The following PRKN variants were observed in gnomAD, a reference collection of about 807,000 sequenced individuals.
PRKN encodes parkin RBR E3 ubiquitin protein ligase.
Under a neutral mutation model 59.5 loss-of-function variants are expected in PRKN, and 56 were observed. The ratio of observed to expected loss-of-function variants is 0.94; its 90% CI spans 0.76 to 1.18. The LOEUF is 1.18. Ranked by LOEUF, PRKN falls within the 50% of genes most tolerant of loss-of-function variation. PRKN has a pLI of 0.00. For missense variants in PRKN, 657 were observed against 596.4 expected, an observed-to-expected ratio of 1.10 and a Z score of -1.06; for synonymous variants, 250 against 222.1, an observed-to-expected ratio of 1.13 and a Z score of -1.12.
chr6:161,761,053 A>G (rs1462513285), intron 7 of PRKN, among the ~76,000 whole-genome samples: 1 of 152,174 alleles, frequency 6.6e-6, no homozygotes, highest in African/African-American at 2.4e-5. Context: ...CTACCCAGAG[A>G]AATTTTATGG....
intron 5 of PRKN, among the ~76,000 whole-genome samples, chr6:162,041,502 CCTCT>C (rs1241312127): frequency 1.3e-5 from 2 of 152,162 alleles, no homozygotes; most frequent in African/African-American, 4.8e-5. Flanking sequence ...CATTCCCCCA[CCTCT>C]CTCTCTTTCT....
rs936741530 is a variant in PRKN at position 161,413,224 on chromosome 6, C to T, written c.1084-26347G>A. ...TTTATTTGTGGAAACCCACTGTCTCCCGGACACTGGCCTCCAGGGCACGGT... is the reference window on the plus strand; with the variant it reads ...TTTATTTGTGGAAACCCACTGTCTCTCGGACACTGGCCTCCAGGGCACGGT... On this transcript the variant is annotated intron_variant, in intron 9 of 11. Coordinates refer to ENST00000366898, the MANE Select transcript of PRKN (RefSeq NM_004562.3). The surrounding 1 kb of genome is among the most constrained non-coding windows in gnomAD (Gnocchi z 4.4). Among the ~76,000 whole-genome samples the T allele has an allele frequency of 1.3e-5, 2 of 152,160 alleles. No homozygotes were observed. The highest frequency in any genetic ancestry group is 1.3e-4 in the Admixed American group (2 of 15,274).
At chr6:162,452,356 A>AT (rs1408576497) in intron 1 of PRKN, among the ~76,000 whole-genome samples, 3 of 152,050 alleles carry the variant, frequency 2.0e-5, no homozygotes, top group East Asian at 3.9e-4. Flanking sequence ...TTAGGTAGGA[A>AT]TTTTTTTGCT....
intron 5 of PRKN, among the ~76,000 whole-genome samples, chr6:161,988,020 C>A (rs913640885): frequency 6.6e-6 from 1 of 152,042 alleles, no homozygotes; most frequent in African/African-American, 2.4e-5. Flanking sequence ...CATTATAGAA[C>A]AATTCTCAGG....
intron 7 of PRKN, among the ~76,000 whole-genome samples, chr6:161,726,703 A>C (rs539130204): frequency 2.0e-5 from 3 of 152,358 alleles, no homozygotes; most frequent in African/African-American, 7.2e-5. Flanking sequence ...TGAGAGAGGC[A>C]AAAACAAAGA....
At chr6:162,119,869 G>C (rs990443005) in intron 4 of PRKN, among the ~76,000 whole-genome samples, 2 of 152,100 alleles carry the variant, frequency 1.3e-5, no homozygotes, top group African/African-American at 2.4e-5. Context: ...CACACACAAG[G>C]CTGTTTGAAG....
chr6:162,421,233 C>T (rs1459596101), intron 2 of PRKN, among the ~76,000 whole-genome samples: 1 of 152,130 alleles, frequency 6.6e-6, no homozygotes. Context: ...GCAGCACCTG[C>T]GTGGCTGTTT....
chr6:161,864,914 A>C (rs1027266784), intron 6 of PRKN, among the ~76,000 whole-genome samples: 1 of 152,164 alleles, frequency 6.6e-6, no homozygotes, highest in Admixed American at 6.5e-5. Flanking sequence ...CTGGCCTCAC[A>C]AAGTGCTGGG....
chr6:161,463,610 C>T lies in PRKN; in HGVS notation c.1084-76733G>A, dbSNP rs1279052786. On this transcript the variant is annotated intron_variant, in intron 9 of 11. Coordinates refer to ENST00000366898, the MANE Select transcript of PRKN (RefSeq NM_004562.3). The surrounding 1 kb of genome is among the most constrained non-coding windows in gnomAD (Gnocchi z 4.8). ...TATGGAGTATTCCCATTTCTTGGTT[C>T]CCATGGACTGAAACTTTACAGGTAA... is the stretch of plus-strand genomic sequence containing the variant. 6.6e-6 allele frequency among the ~76,000 whole-genome samples: 1 copy of T among 152,130 alleles called. No homozygotes were observed. Among genetic ancestry groups the T allele is most frequent in the Non-Finnish European group, 1.5e-5 (1 of 68,034 alleles).
chr6:162,311,535 T>C (rs1001227795), intron 2 of PRKN, among the ~76,000 whole-genome samples: 3 of 143,256 alleles, frequency 2.1e-5, no homozygotes, highest in Non-Finnish European at 4.5e-5. Flanking sequence ...CAGGCAGGAG[T>C]GCAGTGGCAC....
intron 7 of PRKN, among the ~76,000 whole-genome samples, chr6:161,573,654 A>G (rs1455327521): frequency 7.2e-6 from 1 of 139,258 alleles, no homozygotes; most frequent in Non-Finnish European, 1.5e-5. Flanking sequence ...CGGCAGGCGG[A>G]GCTTGCAGTG....
chr6:161,696,233 C>A (rs1047073671), intron 7 of PRKN, among the ~76,000 whole-genome samples: 2 of 152,136 alleles, frequency 1.3e-5, no homozygotes, highest in African/African-American at 2.4e-5. Flanking sequence ...TTAAGAGACC[C>A]CATTCTTCAA....
intron 2 of PRKN, among the ~76,000 whole-genome samples, chr6:162,411,793 G>T (rs904258915): frequency 5.3e-5 from 8 of 151,950 alleles, no homozygotes; most frequent in Non-Finnish European, 1.5e-5. Flanking sequence ...AAGGGCCACC[G>T]TCTTTTTCCT....
intron 2 of PRKN, among the ~76,000 whole-genome samples, chr6:162,321,021 C>T (rs762712518): frequency 3.3e-5 from 5 of 151,838 alleles, no homozygotes; most frequent in East Asian, 3.9e-4. Context: ...AAAACAATAA[C>T]GATCAAGGTG....
At chr6:162,153,276 G>A (rs2128314209) in intron 4 of PRKN, among the ~76,000 whole-genome samples, 1 of 152,332 alleles carries the variant, frequency 6.6e-6, no homozygotes, top group East Asian at 1.9e-4. Flanking sequence ...TGGGCCTGCT[G>A]TGGCGCACCC....
At chr6:162,677,740 C>G (rs1462106683) in intron 1 of PRKN, among the ~76,000 whole-genome samples, 1 of 152,128 alleles carries the variant, frequency 6.6e-6, no homozygotes, top group Non-Finnish European at 1.5e-5. Context: ...GAGGTGTTGG[C>G]TAGCTTGCAA....
intron 2 of PRKN, among the ~76,000 whole-genome samples, chr6:162,432,397 G>A (rs999329632): frequency 1.3e-5 from 2 of 152,046 alleles, no homozygotes; most frequent in East Asian, 3.9e-4. Flanking sequence ...GTGTTGGCAC[G>A]CAGCTGTAAT....
chr6:161,740,373 C>T (rs1448008684), intron 7 of PRKN, among the ~76,000 whole-genome samples: 5 of 152,158 alleles, frequency 3.3e-5, no homozygotes, highest in African/African-American at 1.2e-4. Context: ...GAGGCCTGGA[C>T]CCCATTTCCA....
At chr6:162,457,415 C>A (rs1250353079) in intron 1 of PRKN, among the ~76,000 whole-genome samples, 1 of 152,060 alleles carries the variant, frequency 6.6e-6, no homozygotes, top group African/African-American at 2.4e-5. Context: ...TATAATTTAA[C>A]CTTAATATTT....
Sources: allele counts gnomAD v4.1 joint callset (sites outside exome capture counted in the v4.1 genomes callset), GRCh38; gene constraint gnomAD v4.1.1; non-coding constraint Gnocchi (gnomAD v3.1); transcripts MANE v1.5; gene names NCBI Gene and HGNC (gene_info 2026-07-23, HGNC 2026-07-21).